SYNE1: variants seen among roughly 807,000 people sequenced by gnomAD.
SYNE1 encodes nesprin-1.
SYNE1 carries 616 observed loss-of-function variants against 1,111.0 expected under a neutral mutation model. The observed-to-expected ratio is 0.55, with a 90% CI of 0.52 to 0.59. The LOEUF is 0.59. Among genes scored for constraint, SYNE1 ranks in the 20% least tolerant of loss-of-function variants. SYNE1 has a pLI of 0.00. For synonymous variants in SYNE1, 3,855 were observed against 3,825.8 expected, an observed-to-expected ratio of 1.01 and a Z score of -0.28; for missense variants, 10,006 against 10,417.0, an observed-to-expected ratio of 0.96 and a Z score of 1.72.
At chr6:152,413,591 TCTCC>T in intron 41 of SYNE1, 60 bp from the exon 42 acceptor site, 3 of 1,553,494 alleles carry the variant, frequency 1.9e-6, no homozygotes, top group Non-Finnish European at 2.7e-6. Flanking sequence ...GAATATTTCT[TCTCC>T]GTAAGTATAT....
chr6:152,510,339 G>T lies in SYNE1; in HGVS notation c.435C>A (p.Leu145=). The T allele has an allele frequency of 1.2e-6, 2 of 1,613,920 alleles. No homozygotes were observed. Among genetic ancestry groups the T allele is most frequent in the Non-Finnish European group, 1.7e-6 (2 of 1,179,962 alleles). The change falls in exon 8 of 146, where the codon CTC becomes CTA. Residue 145 remains leucine (L), a synonymous_variant. Coordinates refer to ENST00000367255, the MANE Select transcript of SYNE1 (RefSeq NM_182961.4). ...AGGATGCGCTGCTGGACAAAGACTGGAGCTGGGGCAGGTTGCTGGTCAACT... is the reference window on the plus strand; with the variant it reads ...AGGATGCGCTGCTGGACAAAGACTGTAGCTGGGGCAGGTTGCTGGTCAACT... ...IEELTSNLPQ[L]QSLSSSASSV... is the part of the protein sequence containing the mutation.
intron 72 of SYNE1, among the ~76,000 whole-genome samples, chr6:152,348,423 G>C (rs143401056): frequency 6.6e-6 from 1 of 152,120 alleles, no homozygotes; most frequent in Non-Finnish European, 1.5e-5. Context: ...GGTGGCTCAC[G>C]CCTGTAATCC....
rs145528716 is a variant in SYNE1 at position 152,218,274 on chromosome 6, T to C, written c.22174A>G (p.Arg7392Gly). ...ACACTTACCTTAAGTTCTTCCATCC[T>C]TTCCTGGATTGTGGAGAGGTCAGAT... ...HSSDLSTIQE[R>G]MEELKGQMLK... is the part of the protein sequence containing the mutation. Residue 7392 changes from arginine to glycine, a missense_variant, in exon 121 of 146, where the codon AGG becomes GGG. By Grantham distance (125) the Arg-to-Gly change is moderately radical. Around this residue, in one of 7 missense-constraint regions of SYNE1, gnomAD observed 2,182 missense variants for 2,287.8 expected, o/e 0.95. Coordinates refer to ENST00000367255, the MANE Select transcript of SYNE1 (RefSeq NM_182961.4). 6.2e-6 allele frequency: 10 copies of C among 1,613,998 alleles called. No individual in the cohort carries two copies. In the African/African-American group the frequency reaches 1.3e-4, roughly 22 times the overall value.
intron 133 of SYNE1, among the ~76,000 whole-genome samples, chr6:152,153,203 C>T (rs2813494): frequency 0.26 from 39,540 of 151,972 alleles, 5,540 homozygotes; most frequent in South Asian, 0.38. Flanking sequence ...CTAGGAAATC[C>T]TAGCTTCCAG....
chr6:152,510,058 A>G (rs1431281901), intron 8 of SYNE1, 135 bp downstream of exon 8: 4 of 896,820 alleles, frequency 4.5e-6, no homozygotes, highest in Non-Finnish European at 7.3e-6. Flanking sequence ...ATTCAAGGCA[A>G]GAGTGAAATA....
intron 14 of SYNE1, among the ~76,000 whole-genome samples, chr6:152,473,313 T>C (rs1386061771): frequency 6.6e-6 from 1 of 152,158 alleles, no homozygotes; most frequent in Non-Finnish European, 1.5e-5. Context: ...AAATAATACA[T>C]TAAAATTAAT....
At chr6:152,213,906 AAAAG>A in intron 122 of SYNE1, 147 bp from the exon 123 acceptor site, 1 of 434,588 alleles carries the variant, frequency 2.3e-6, no homozygotes, top group Admixed American at 5.4e-5. Context: ...ATTATTTTAA[AAAAG>A]AAGAAAGAGG....
Position 152,331,818 on chromosome 6 carries a change from C to T in SYNE1, c.12867G>A (p.Lys4289=). Residue 4289 remains lysine (K), a synonymous_variant, in exon 78 of 146, where the codon AAG becomes AAA. Coordinates refer to ENST00000367255, the MANE Select transcript of SYNE1 (RefSeq NM_182961.4). ...KKLALALQER[K]YAIEDLKDQK... ...GATCTTTCAGATCTTCAATAGCATA[C>T]TTTCTCTCCTGCAATGCCAATGCTA... 1.2e-6 allele frequency: 2 copies of T among 1,614,136 alleles called. No individual in the cohort carries two copies. Among genetic ancestry groups the T allele is most frequent in the Non-Finnish European group, 1.7e-6 (2 of 1,180,034 alleles).
chr6:152,311,040 A>C, intron 87 of SYNE1, 167 bp from the exon 88 acceptor site: 1 of 684,378 alleles, frequency 1.5e-6, no homozygotes, highest in East Asian at 2.7e-5. Context: ...TACTATTATA[A>C]CTATTTCACA....
rs531271793 is a variant in SYNE1, at chr6:152,302,222, C to T, written c.17347-159G>A. The T allele has an allele frequency of 2.8e-5, 26 of 929,244 alleles. No individual in the cohort carries two copies. In the East Asian group the frequency reaches 5.8e-4, roughly 21 times the overall value. The allele number at this position is 929,244 out of a possible 1,614,324, so 57.6% of individuals were successfully genotyped here. A position where few individuals can be genotyped will look rare whatever the true frequency, so the allele number is the denominator to read the frequency against. ...CGGCGAGTCCTCCTGCATCTCGCTA[C>T]CGAGCCAGACCGCAGGCTGCGCGGC... On this transcript the variant is annotated intron_variant, in intron 91 of 145. Transcript: ENST00000367255.
intron 137 of SYNE1, chr6:152,146,712 C>G (rs1163969632): frequency 6.6e-6 from 1 of 152,226 alleles, no homozygotes; most frequent in Admixed American, 6.5e-5. Context: ...GATACATTTC[C>G]AAGTGCCACA....
intron 6 of SYNE1, among the ~76,000 whole-genome samples, chr6:152,515,735 C>A (rs1350660369): frequency 6.6e-6 from 1 of 152,174 alleles, no homozygotes; most frequent in African/African-American, 2.4e-5. Context: ...CAGTGGTTGG[C>A]TCTCTGTATT....
At chr6:152,254,339 C>T (rs374794351) in intron 104 of SYNE1, among the ~76,000 whole-genome samples, 10 of 137,322 alleles carry the variant, frequency 7.3e-5, no homozygotes, top group Admixed American at 3.3e-4. Context: ...GCTACCTCTG[C>T]GTCCCGGGTT....
intron 95 of SYNE1, among the ~76,000 whole-genome samples, chr6:152,291,796 A>G (rs2094618570): frequency 6.6e-6 from 1 of 152,176 alleles, no homozygotes; most frequent in South Asian, 2.1e-4. Context: ...AGAGGGTCAA[A>G]CTACTTAAAC....
At chr6:152,167,838 T>C (rs1408887235) in intron 130 of SYNE1, 2 of 639,550 alleles carry the variant, frequency 3.1e-6, no homozygotes, top group Admixed American at 1.8e-5. Context: ...CCATACTCCT[T>C]GTATGACGCA....
At chr6:152,125,215 T>C (rs1452626256) in intron 145 of SYNE1, 3 of 1,533,288 alleles carry the variant, frequency 2.0e-6, no homozygotes, top group Non-Finnish European at 2.6e-6. Context: ...GTTTTGCTGG[T>C]TGGTGATAGG....
intron 93 of SYNE1, among the ~76,000 whole-genome samples, chr6:152,294,925 G>A (rs766507214): frequency 6.6e-5 from 10 of 152,174 alleles, no homozygotes; most frequent in Non-Finnish European, 1.5e-4. Flanking sequence ...AATTGGGGGA[G>A]TAATTGCTAT....
chr6:152,441,633 G>A (rs907269408), intron 31 of SYNE1, among the ~76,000 whole-genome samples: 13 of 152,164 alleles, frequency 8.5e-5, no homozygotes, highest in African/African-American at 3.1e-4. Context: ...AGAGGGACAA[G>A]GAGATGAAGA....
intron 136 of SYNE1, among the ~76,000 whole-genome samples, 200 bp downstream of exon 136, chr6:152,149,277 C>G (rs543617224): frequency 3.3e-5 from 5 of 152,280 alleles, no homozygotes; most frequent in Middle Eastern, 6.8e-3. Context: ...ACCACTTTCA[C>G]TTTTGAGGAA....
Sources: gnomAD v4.1 joint callset for allele counts (sites outside exome capture counted in the v4.1 genomes callset) on GRCh38, gnomAD v4.1.1 for gene constraint, gnomAD v4.1.1 regional missense constraint, MANE v1.5 for transcripts, NCBI Gene and HGNC (gene_info 2026-07-23, HGNC 2026-07-21) for gene names.